Variants in TRPC4AP observed in about 807,000 individuals in gnomAD.
The protein encoded by TRPC4AP is short transient receptor potential channel 4-associated protein.
In TRPC4AP, 45 loss-of-function variants were observed where a neutral mutation model predicts 99.0. The ratio of observed to expected loss-of-function variants is 0.45; its 90% CI spans 0.36 to 0.58. The LOEUF (loss-of-function observed/expected upper bound fraction) is 0.58. Ranked by LOEUF, TRPC4AP falls within the 20% of genes least tolerant of loss-of-function variation. The pLI, the probability that TRPC4AP is intolerant of heterozygous loss-of-function variation, is 0.00. For missense variants in TRPC4AP, 879 were observed against 985.3 expected (o/e 0.89, Z 1.44); for synonymous variants, 408 against 385.8 (o/e 1.06, Z -0.67).
chr20:35,051,498 C>T (rs920367699), intron 5 of TRPC4AP, among the ~76,000 whole-genome samples: 1 of 150,890 alleles, frequency 6.6e-6, no homozygotes, highest in Non-Finnish European at 1.5e-5. Context: ...GTGAAGGCAT[C>T]AATAAAGATG....
chr20:35,084,492 ATATC>A (rs11469382), intron 1 of TRPC4AP, among the ~76,000 whole-genome samples: 55,662 of 143,432 alleles, frequency 0.39, 12,286 homozygotes, highest in East Asian at 0.58. Context: ...ATATATGTAT[ATATC>A]TATATATGTA....
chr20:35,085,848 T>A (rs967631815), intron 1 of TRPC4AP, among the ~76,000 whole-genome samples: 22 of 152,200 alleles, frequency 1.4e-4, no homozygotes, highest in African/African-American at 5.1e-4. Context: ...CAGTTTCCAC[T>A]GATTTTATTG....
At chr20:35,069,524 C>T (rs1189172964) in intron 2 of TRPC4AP, 112 bp from the exon 3 acceptor site, 10 of 701,282 alleles carry the variant, frequency 1.4e-5, no homozygotes, top group Non-Finnish European at 2.5e-5. Context: ...AACACAAAGA[C>T]AGTCCCCAAT....
Position 35,005,769 on chromosome 20 carries a change from A to C in TRPC4AP, c.1862T>G (p.Leu621Arg). Residue 621 changes from leucine to arginine, a missense_variant, in exon 16 of 19, where the codon CTG becomes CGG. Coordinates refer to ENST00000252015, the MANE Select transcript of TRPC4AP (RefSeq NM_015638.3). ...QVFLKQINSS[L>R]VDSNMLVRCV... Reference sequence around the variant, plus strand: ...GCGCACCAGCATGTTGGAGTCCACCAGGGAGCTGTTGATCTGCTTCAGGAA... The same window carrying C: ...GCGCACCAGCATGTTGGAGTCCACCCGGGAGCTGTTGATCTGCTTCAGGAA... 6.2e-7 allele frequency: 1 copy of C among 1,614,208 alleles called. No individual in the cohort carries two copies. Among genetic ancestry groups the C allele is most frequent in the South Asian group, 1.1e-5 (1 of 91,086 alleles).
intron 9 of TRPC4AP, among the ~76,000 whole-genome samples, chr20:35,020,714 G>C (rs2082865848): frequency 6.6e-6 from 1 of 152,094 alleles, no homozygotes; most frequent in South Asian, 2.1e-4. Context: ...TTCCTCCACT[G>C]TAGGTTATGG....
chr20:35,060,707 A>G (rs1036550601), intron 3 of TRPC4AP, among the ~76,000 whole-genome samples: 3 of 152,078 alleles, frequency 2.0e-5, no homozygotes, highest in African/African-American at 4.8e-5. Flanking sequence ...ATAATACACC[A>G]TATCAATAGA....
intron 3 of TRPC4AP, among the ~76,000 whole-genome samples, chr20:35,060,350 G>A (rs541254420): frequency 2.6e-5 from 4 of 152,156 alleles, no homozygotes; most frequent in Admixed American, 6.6e-5. Flanking sequence ...ACTTTGAGAC[G>A]TCAAGGCAGG....
At chr20:35,036,136 A>C (rs1316062888) in intron 7 of TRPC4AP, among the ~76,000 whole-genome samples, 1 of 152,236 alleles carries the variant, frequency 6.6e-6, no homozygotes, top group Non-Finnish European at 1.5e-5. Context: ...TCTGATCGGC[A>C]TATTAGAACA....
At chr20:35,039,947 G>A (rs1039413600) in intron 7 of TRPC4AP, among the ~76,000 whole-genome samples, 4 of 151,156 alleles carry the variant, frequency 2.6e-5, no homozygotes, top group African/African-American at 9.7e-5. Flanking sequence ...TGAGCCCCAG[G>A]AAGATAGTGT....
chr20:35,087,062 G>A (rs905276736), intron 1 of TRPC4AP, among the ~76,000 whole-genome samples: 4 of 147,772 alleles, frequency 2.7e-5, no homozygotes, highest in Non-Finnish European at 6.0e-5. Flanking sequence ...AGGCGCAGTG[G>A]CTCACACCTG....
At chr20:35,065,692 C>T (rs1230165873) in intron 3 of TRPC4AP, among the ~76,000 whole-genome samples, 1 of 151,966 alleles carries the variant, frequency 6.6e-6, no homozygotes, top group East Asian at 1.9e-4. Flanking sequence ...GAGAAGCTGC[C>T]CTAACTCAAA....
chr20:35,048,247 T>C (rs1199230806), intron 6 of TRPC4AP, among the ~76,000 whole-genome samples: 2 of 149,036 alleles, frequency 1.3e-5, no homozygotes, highest in African/African-American at 5.0e-5. Context: ...AGTCTTGCTC[T>C]GTTGCCCAGG....
intron 8 of TRPC4AP, among the ~76,000 whole-genome samples, chr20:35,027,341 G>A (rs894262551): frequency 1.2e-4 from 18 of 152,170 alleles, no homozygotes; most frequent in Non-Finnish European, 2.5e-4. Flanking sequence ...TTAACACAGT[G>A]TATTACATAA....
intron 8 of TRPC4AP, chr20:35,030,335 A>G (rs1237493333): frequency 6.6e-6 from 1 of 151,844 alleles, no homozygotes; most frequent in Non-Finnish European, 1.5e-5. Context: ...GGAATGCATC[A>G]GGAATTTGCA....
chr20:35,083,963 A>T (rs956656710), intron 1 of TRPC4AP, among the ~76,000 whole-genome samples: 6 of 115,924 alleles, frequency 5.2e-5, no homozygotes, highest in Admixed American at 3.3e-4. Flanking sequence ...TGATTTCTTT[A>T]AAAAAAAAAA....
chr20:35,036,540 C>T (rs1031672944), intron 7 of TRPC4AP, among the ~76,000 whole-genome samples: 7 of 152,102 alleles, frequency 4.6e-5, no homozygotes, highest in African/African-American at 1.4e-4. Context: ...TCTTAAAAGT[C>T]GTTATCATGT....
At chr20:35,006,394 G>C in intron 15 of TRPC4AP, 41 bp downstream of exon 15, 1 of 1,600,048 alleles carries the variant, frequency 6.2e-7, no homozygotes, top group Non-Finnish European at 8.5e-7. Context: ...TGAACTTCTG[G>C]ACAACCCAGC....
At chr20:35,050,528 A>G (rs2083670827) in intron 5 of TRPC4AP, among the ~76,000 whole-genome samples, 1 of 151,798 alleles carries the variant, frequency 6.6e-6, no homozygotes, top group Admixed American at 6.6e-5. Context: ...CAGCCTGGCC[A>G]ACGTGCCAAA....
At chr20:35,087,157 G>A (rs189386439) in intron 1 of TRPC4AP, among the ~76,000 whole-genome samples, 293 of 146,628 alleles carry the variant, frequency 2.0e-3, no homozygotes, top group African/African-American at 7.2e-3. Context: ...GTGAAACCCC[G>A]TCTCTACTAA....
Sources: allele counts gnomAD v4.1 joint callset (sites outside exome capture counted in the v4.1 genomes callset), GRCh38; gene constraint gnomAD v4.1.1; transcripts MANE v1.5; gene names NCBI Gene and HGNC (gene_info 2026-07-23, HGNC 2026-07-21).